The following GRB10 variants were observed in gnomAD, a reference collection of about 807,000 sequenced individuals.
GRB10 encodes growth factor receptor bound protein 10.
A neutral mutation model predicts 80.9 loss-of-function variants in GRB10; 20 were observed. The observed-to-expected ratio is 0.25, with a 90% CI of 0.17 to 0.36. The LOEUF is 0.36. GRB10 is among the 10% of genes least tolerant of loss of function. The pLI, the probability that GRB10 is intolerant of heterozygous loss-of-function variation, is 1.00. For missense variants in GRB10, 548 were observed against 747.7 expected (o/e 0.73, Z 3.12); for synonymous variants, 291 against 291.5 (o/e 1.00, Z 0.02).
intron 13 of GRB10, 113 bp from the exon 14 acceptor site, chr7:50,606,527 C>T: frequency 1.3e-6 from 1 of 774,380 alleles, no homozygotes; most frequent in South Asian, 1.4e-5. Context: ...GAGTGATGCC[C>T]TGTACCAGCC....
chr7:50,595,320 G>T lies in GRB10; in HGVS notation c.1638+117C>A, dbSNP rs1165995657. Reference sequence around the variant, plus strand: ...AGAAATTCTTGAAAGTTTCTTAACTGCAGCCTTGAAACTGTCTGATACTTA... The same window carrying T: ...AGAAATTCTTGAAAGTTTCTTAACTTCAGCCTTGAAACTGTCTGATACTTA... On this transcript the variant is annotated intron_variant, in intron 18 of 18. Coordinates refer to ENST00000401949, the MANE Select transcript of GRB10 (RefSeq NM_001350814.2). 4 of 720,986 alleles carry T rather than the reference G, an allele frequency of 5.5e-6. No individual in the cohort carries two copies. In the Admixed American group the frequency reaches 6.1e-5, roughly 11 times the overall value. The allele number at this position is 720,986 out of a possible 1,614,324, so 44.7% of individuals were successfully genotyped here. A position where few individuals can be genotyped will look rare whatever the true frequency, so the allele number is the denominator to read the frequency against.
rs371957481 is a variant in GRB10 at position 50,674,571 on chromosome 7, G to A, written c.227C>T (p.Thr76Met). 12 of 1,612,888 alleles carry A rather than the reference G, an allele frequency of 7.4e-6. No individual in the cohort carries two copies. In the African/African-American group the frequency reaches 8.0e-5, roughly 11 times the overall value. The change falls in exon 6 of 19, where the codon ACG becomes ATG. Residue 76 changes from threonine (T) to methionine (M), a missense_variant. Coordinates refer to ENST00000401949, the MANE Select transcript of GRB10 (RefSeq NM_001350814.2). ...CTGGCCATTCTGCAGGAGGGGCACC[G>A]TGTCTGACTGCATGCTGCAGGCCGA... ...LYSACSMQSD[T>M]VPLLQNGQHA...
At chr7:50,701,851 CATT>C (rs1344465153) in intron 5 of GRB10, among the ~76,000 whole-genome samples, 2 of 152,218 alleles carry the variant, frequency 1.3e-5, no homozygotes, top group African/African-American at 2.4e-5. Context: ...GTCTTACAGA[CATT>C]ATTCTTTCAT....
intron 8 of GRB10, among the ~76,000 whole-genome samples, chr7:50,619,740 G>C (rs561164825): frequency 6.6e-6 from 1 of 152,320 alleles, no homozygotes; most frequent in African/African-American, 2.4e-5. Context: ...ATCAAACTTG[G>C]TTGCCAGAAA....
chr7:50,614,836 G>GT lies in GRB10; in HGVS notation c.1028dup (p.Asn343LysfsTer30). The GT allele has an allele frequency of 6.2e-7, 1 of 1,614,048 alleles. No individual in the cohort carries two copies. The highest frequency in any genetic ancestry group is 8.5e-7 in the Non-Finnish European group (1 of 1,179,990). On this transcript the variant is annotated frameshift_variant, in exon 12 of 19. Coordinates refer to ENST00000401949, the MANE Select transcript of GRB10 (RefSeq NM_001350814.2). LOFTEE classifies it high-confidence loss of function. ...TCCTGCCAGCGATCAGGGAGAAGAT[G>GT]TTGCTGTCCTCCAGGTCGGCCAGCA...
At chr7:50,689,482 T>G (rs1202991112) in intron 5 of GRB10, among the ~76,000 whole-genome samples, 1 of 152,050 alleles carries the variant, frequency 6.6e-6, no homozygotes, top group Non-Finnish European at 1.5e-5. Context: ...GGCCAGTCCA[T>G]GCAGGTTGTA....
chr7:50,744,622 T>C (rs1227407538), intron 3 of GRB10, among the ~76,000 whole-genome samples: 1 of 152,334 alleles, frequency 6.6e-6, no homozygotes, highest in East Asian at 1.9e-4. Context: ...TTCACTAGTA[T>C]GGGTCCCCTG....
intron 2 of GRB10, among the ~76,000 whole-genome samples, chr7:50,780,000 A>C (rs1291932877): frequency 6.6e-5 from 10 of 152,150 alleles, no homozygotes; most frequent in Non-Finnish European, 1.5e-4. Flanking sequence ...GGGAAGAAAG[A>C]AGCAAACGGG....
chr7:50,719,506 A>T (rs1175003595), intron 4 of GRB10, among the ~76,000 whole-genome samples: 1 of 148,828 alleles, frequency 6.7e-6, no homozygotes, highest in East Asian at 2.0e-4. Context: ...GGGGCACATC[A>T]TACACTGGGG....
chr7:50,706,222 TTG>T (rs1446145818), intron 4 of GRB10, among the ~76,000 whole-genome samples: 12 of 152,240 alleles, frequency 7.9e-5, no homozygotes, highest in Non-Finnish European at 1.8e-4. Context: ...GTGTAAATAA[TTG>T]TGTTTTCCTG....
At chr7:50,599,349 GTTTTC>G (rs1267603948) in intron 17 of GRB10, among the ~76,000 whole-genome samples, 1 of 152,200 alleles carries the variant, frequency 6.6e-6, no homozygotes, top group Non-Finnish European at 1.5e-5. Flanking sequence ...TTTCGAGGTG[GTTTTC>G]TTTTCTTTGT....
chr7:50,778,346 C>A (rs892742312), intron 2 of GRB10, among the ~76,000 whole-genome samples: 1 of 152,208 alleles, frequency 6.6e-6, no homozygotes, highest in African/African-American at 2.4e-5. Flanking sequence ...AACATCACCA[C>A]CAGCCTAGGA....
At chr7:50,701,700 T>G (rs935130874) in intron 5 of GRB10, among the ~76,000 whole-genome samples, 2 of 152,266 alleles carry the variant, frequency 1.3e-5, no homozygotes, top group African/African-American at 4.8e-5. Flanking sequence ...CAGTGATATG[T>G]TGGCATAACA....
chr7:50,651,678 T>C (rs2058021784), intron 7 of GRB10, among the ~76,000 whole-genome samples: 1 of 152,256 alleles, frequency 6.6e-6, no homozygotes. Flanking sequence ...TAGTTTATAG[T>C]TGTCGGAGCA....
At chr7:50,750,408 T>C (rs2073903968) in intron 3 of GRB10, among the ~76,000 whole-genome samples, 1 of 152,236 alleles carries the variant, frequency 6.6e-6, no homozygotes, top group South Asian at 2.1e-4. Flanking sequence ...GGGGCTTTCC[T>C]GCACCGTTTC....
At chr7:50,611,494 T>C (rs1445392532) in intron 13 of GRB10, among the ~76,000 whole-genome samples, 1 of 152,276 alleles carries the variant, frequency 6.6e-6, no homozygotes, top group African/African-American at 2.4e-5. Flanking sequence ...CATAATTCTT[T>C]TTTTAATCAG....
chr7:50,691,060 CTTAT>C (rs777663184), intron 5 of GRB10, among the ~76,000 whole-genome samples: 1 of 152,112 alleles, frequency 6.6e-6, no homozygotes, highest in Non-Finnish European at 1.5e-5. Flanking sequence ...TCCTATCTTC[CTTAT>C]TAAGACAAAT....
At chr7:50,609,462 T>C (rs929549044) in intron 13 of GRB10, among the ~76,000 whole-genome samples, 12 of 152,254 alleles carry the variant, frequency 7.9e-5, no homozygotes, top group Non-Finnish European at 1.3e-4. Context: ...CAATTTTGGG[T>C]ACCTAATAAC....
intron 4 of GRB10, among the ~76,000 whole-genome samples, chr7:50,724,472 C>A (rs895726925): frequency 1.3e-5 from 2 of 152,144 alleles, no homozygotes; most frequent in Admixed American, 6.5e-5. Flanking sequence ...ATAAACACGA[C>A]CTGGGACACA....
Sources: allele counts gnomAD v4.1 joint callset (sites outside exome capture counted in the v4.1 genomes callset), GRCh38; gene constraint gnomAD v4.1.1; transcripts MANE v1.5; gene names NCBI Gene and HGNC (gene_info 2026-07-23, HGNC 2026-07-21).